The following FRMD3 variants were observed in gnomAD, a reference collection of about 807,000 sequenced individuals.
The protein encoded by FRMD3 is FERM domain-containing protein 3.
FRMD3 carries 33 observed loss-of-function variants against 70.2 expected under a neutral mutation model. That is an observed-to-expected ratio of 0.47 (90% CI 0.36 to 0.63). The LOEUF is 0.63. Among genes scored for constraint, FRMD3 ranks in the 20% least tolerant of loss-of-function variants. The pLI, the probability that FRMD3 is intolerant of heterozygous loss-of-function variation, is 0.00. For missense variants in FRMD3, 632 were observed against 711.4 expected, an observed-to-expected ratio of 0.89 and a Z score of 1.27; for synonymous variants, 279 against 255.9, an observed-to-expected ratio of 1.09 and a Z score of -0.86.
Position 83,343,262 on chromosome 9 carries a change from T to C in FRMD3, c.400A>G (p.Arg134Gly), listed in dbSNP as rs1382072364. Reference sequence around the variant, plus strand: ...AGCAGGCGGCCATGAAAAATGTCCCTTTTAATCTGAAGGTATAAAAGGTAT... The same window carrying C: ...AGCAGGCGGCCATGAAAAATGTCCCCTTTAATCTGAAGGTATAAAAGGTAT... ...TRYLLYLQIK[R>G]DIFHGRLLCS... Residue 134 changes from arginine (R) to glycine (G), a missense_variant, in exon 5 of 14, where the codon AGG (arginine) becomes GGG (glycine). By Grantham distance (125) the Arg-to-Gly change is moderately radical. This residue lies in a region of FRMD3 where 208 missense variants were observed against 247.7 expected (regional missense o/e 0.84). Transcript: ENST00000304195. 2.5e-6 allele frequency: 4 copies of C among 1,612,828 alleles called. No individual in the cohort carries two copies. The highest frequency in any genetic ancestry group is 3.4e-6 in the Non-Finnish European group (4 of 1,178,930).
At chr9:83,422,551 G>A (rs765869045) in intron 1 of FRMD3, among the ~76,000 whole-genome samples, 5 of 152,300 alleles carry the variant, frequency 3.3e-5, no homozygotes, top group Middle Eastern at 3.4e-3. Flanking sequence ...TAGAATAAAC[G>A]TTCTTTCCTC....
chr9:83,562,112 A>G, the FRMD3 span, among the ~76,000 whole-genome samples: 3 of 152,224 alleles, frequency 2.0e-5, no homozygotes, highest in Admixed American at 2.0e-4. Context: ...ATGAGATAGG[A>G]AAGTGAACAC....
intron 9 of FRMD3, among the ~76,000 whole-genome samples, chr9:83,309,926 A>G (rs1241394683): frequency 6.6e-6 from 1 of 152,218 alleles, no homozygotes; most frequent in African/African-American, 2.4e-5. Flanking sequence ...GCCTAAAAAC[A>G]TATTTGCCAT....
At chr9:83,284,492 C>T (rs539447292) in intron 13 of FRMD3, among the ~76,000 whole-genome samples, 13 of 152,248 alleles carry the variant, frequency 8.5e-5, no homozygotes, top group Non-Finnish European at 1.8e-4. Context: ...CCTGTAGACC[C>T]AGCTACTTGG....
intron 1 of FRMD3, among the ~76,000 whole-genome samples, chr9:83,509,162 G>C (rs1283995366): frequency 6.6e-6 from 1 of 152,146 alleles, no homozygotes; most frequent in Non-Finnish European, 1.5e-5. Flanking sequence ...TGTATCCCTA[G>C]CACCTCAAGC....
intron 1 of FRMD3, among the ~76,000 whole-genome samples, chr9:83,474,088 A>T (rs1828335645): frequency 1.3e-5 from 2 of 152,354 alleles, no homozygotes; most frequent in South Asian, 2.1e-4. Flanking sequence ...CATACACATT[A>T]TCTATGCATA....
At chr9:83,304,157 T>C (rs1835031420) in intron 10 of FRMD3, among the ~76,000 whole-genome samples, 1 of 152,192 alleles carries the variant, frequency 6.6e-6, no homozygotes, top group South Asian at 2.1e-4. Context: ...CATTGGATTG[T>C]TTCCACTTTT....
chr9:83,579,784 T>C, the FRMD3 span, among the ~76,000 whole-genome samples: 1 of 152,004 alleles, frequency 6.6e-6, no homozygotes, highest in African/African-American at 2.4e-5. Flanking sequence ...AATAGACAAA[T>C]GTAATTGTAT....
At chr9:83,277,861 G>A (rs1468591654) in intron 13 of FRMD3, among the ~76,000 whole-genome samples, 1 of 152,116 alleles carries the variant, frequency 6.6e-6, no homozygotes, top group East Asian at 1.9e-4. Context: ...CTCTTACTTT[G>A]TACCGGAACA....
chr9:83,357,764 T>A (rs1179791789), intron 3 of FRMD3, among the ~76,000 whole-genome samples: 1 of 152,184 alleles, frequency 6.6e-6, no homozygotes, highest in Non-Finnish European at 1.5e-5. Context: ...CACTTTTTGA[T>A]GGGATTGCTT....
intron 5 of FRMD3, among the ~76,000 whole-genome samples, chr9:83,338,357 A>T (rs1428639635): frequency 6.6e-6 from 1 of 152,210 alleles, no homozygotes; most frequent in African/African-American, 2.4e-5. Context: ...ATGACCTAGC[A>T]ATCCCATTTC....
chr9:83,464,507 G>A (rs1041030221), intron 1 of FRMD3, among the ~76,000 whole-genome samples: 3 of 152,244 alleles, frequency 2.0e-5, no homozygotes, highest in Non-Finnish European at 2.9e-5. Context: ...AAAAGGTCCC[G>A]AATCACAGTG....
In FRMD3 at chr9:83,284,066, T is replaced by A. The variant is rs969903835; in HGVS notation, c.1195+6537A>T. On this transcript the variant is annotated intron_variant, in intron 13 of 13. Transcript: ENST00000304195. ...AGGGGGCAAGCTAGGATGTTATTTT[T>A]TTTTTTTTTTTTTTTTTTGCTCATT... Among the ~76,000 whole-genome samples the A allele has an allele frequency of 2.7e-5, 3 of 112,066 alleles. No homozygotes were observed. The East Asian group carries it at 8.4e-4, about 31-fold the overall frequency. 73.5% of individuals were successfully genotyped at this position (112,066 alleles called of 152,430 possible).
intron 1 of FRMD3, among the ~76,000 whole-genome samples, chr9:83,480,407 T>C (rs1225750946): frequency 6.6e-6 from 1 of 151,774 alleles, no homozygotes; most frequent in Non-Finnish European, 1.5e-5. Flanking sequence ...AATAACAATA[T>C]AACAATAAAA....
intron 13 of FRMD3, among the ~76,000 whole-genome samples, chr9:83,286,076 A>G (rs1049188666): frequency 1.3e-5 from 2 of 152,188 alleles, no homozygotes; most frequent in African/African-American, 4.8e-5. Context: ...GTTTTCCCAG[A>G]ACACCACTGC....
In FRMD3 at chr9:83,491,293, A is replaced by G. The variant is rs555926146; in HGVS notation, c.147+46792T>C. ...TGTAAGAAGGAAGGGTTGCAATAAT[A>G]AATTGAGCCCTGATCAAGAAAAGAT... On this transcript the variant is annotated intron_variant, in intron 1 of 13. Coordinates refer to ENST00000304195, the MANE Select transcript of FRMD3 (RefSeq NM_174938.6). Among the ~76,000 whole-genome samples, 3 of 152,332 alleles carry G rather than the reference A, an allele frequency of 2.0e-5. No individual in the cohort carries two copies. The East Asian group carries it at 5.8e-4, about 29-fold the overall frequency.
chr9:83,263,447 T>C (rs1344902305), intron 13 of FRMD3, among the ~76,000 whole-genome samples: 2 of 152,214 alleles, frequency 1.3e-5, no homozygotes, highest in African/African-American at 2.4e-5. Flanking sequence ...TTGAAATATC[T>C]ACTAGAGAAT....
chr9:83,380,803 G>A (rs1200176161), intron 2 of FRMD3, among the ~76,000 whole-genome samples: 2 of 152,178 alleles, frequency 1.3e-5, no homozygotes, highest in Non-Finnish European at 2.9e-5. Flanking sequence ...CCCTAAGCCA[G>A]AGTAATTTGT....
intron 1 of FRMD3, among the ~76,000 whole-genome samples, chr9:83,407,871 C>CTT (rs1455493508): frequency 0.017 from 1,987 of 114,774 alleles, 25 homozygotes; most frequent in East Asian, 0.066. Context: ...CTCTCTCTCT[C>CTT]TCATCTTTCT....
Sources: gnomAD v4.1 joint callset for allele counts (sites outside exome capture counted in the v4.1 genomes callset) on GRCh38, gnomAD v4.1.1 for gene constraint, gnomAD v4.1.1 regional missense constraint, MANE v1.5 for transcripts, NCBI Gene and HGNC (gene_info 2026-07-23, HGNC 2026-07-21) for gene names.